APBA2: variants seen among roughly 807,000 people sequenced by gnomAD.
APBA2 encodes amyloid beta precursor protein binding family A member 2, also known as amyloid-beta A4 precursor protein-binding family A member 2.
Under a neutral mutation model 75.0 loss-of-function variants are expected in APBA2, and 30 were observed. The observed-to-expected ratio is 0.40, with a 90% confidence interval of 0.30 to 0.54. APBA2 has a LOEUF of 0.54. Among genes scored for constraint, APBA2 ranks in the 20% least tolerant of loss-of-function variants. The probability of loss-of-function intolerance (pLI) is 0.49; values close to 1 mark genes in which losing one functional copy is unlikely to be tolerated. For missense variants in APBA2, 801 were observed against 1,016.1 expected, an observed-to-expected ratio of 0.79 and a Z score of 2.88; for synonymous variants, 444 against 409.6, an observed-to-expected ratio of 1.08 and a Z score of -1.01.
In APBA2 at chr15:29,108,275, G is replaced by C. The variant is rs2044540016; in HGVS notation, c.1923G>C (p.Leu641=). 2 of 1,613,746 alleles carry C rather than the reference G, an allele frequency of 1.2e-6. No homozygotes were observed. Among genetic ancestry groups the C allele is most frequent in the African/African-American group, 1.3e-5 (1 of 74,934 alleles). The stretch of plus-strand genomic sequence containing the variant: ...CCTGTCCCCGTGCTCTGCAGGGCCT[G>C]AAGAACCAGACACAGGTGAAGCTCA... ...LATCQGIIKG[L]KNQTQVKLNI... is the part of the protein sequence containing the mutation. Residue 641 remains leucine, a synonymous_variant, in exon 13 of 15, where the codon CTG becomes CTC. Transcript: ENST00000683413.
At chr15:28,966,218 T>C (rs2036729089) in intron 2 of APBA2, among the ~76,000 whole-genome samples, 1 of 152,194 alleles carries the variant, frequency 6.6e-6, no homozygotes, top group Non-Finnish European at 1.5e-5. Flanking sequence ...GATCTTTTTG[T>C]TGGATGGTGT....
rs2036222809 is a variant in APBA2 at position 28,957,275 on chromosome 15, CTG to C, written c.-95+35530_-95+35531del. Among the ~76,000 whole-genome samples, 3 of 152,006 alleles carry C rather than the reference CTG, an allele frequency of 2.0e-5. No homozygotes were observed. In the South Asian group the frequency reaches 6.2e-4, roughly 32 times the overall value. On this transcript the variant is annotated intron_variant, in intron 2 of 14. Transcript: ENST00000683413. ...TATTTTTAGTAGAGACGGGGTTTCA[CTG>C]TGTTAGCCACGATGGTCTCAATCTC...
intron 3 of APBA2, among the ~76,000 whole-genome samples, chr15:29,000,902 C>G (rs2038808640): frequency 6.6e-6 from 1 of 152,198 alleles, no homozygotes; most frequent in Admixed American, 6.5e-5. Context: ...ATGAGCCAGG[C>G]TTTGCACATT....
chr15:29,112,515 C>G (rs1187329957), intron 13 of APBA2, among the ~76,000 whole-genome samples: 2 of 152,150 alleles, frequency 1.3e-5, no homozygotes, highest in African/African-American at 2.4e-5. Flanking sequence ...TCCCAGGCCA[C>G]TCGCCTCCTC....
intron 13 of APBA2, among the ~76,000 whole-genome samples, chr15:29,112,299 G>A (rs1567030798): frequency 1.3e-5 from 2 of 152,236 alleles, no homozygotes; most frequent in Non-Finnish European, 2.9e-5. Context: ...ACCTGCAGCG[G>A]TTCTCCCTGA....
intron 2 of APBA2, among the ~76,000 whole-genome samples, chr15:28,950,236 AT>A (rs2035781807): frequency 6.6e-6 from 1 of 152,226 alleles, no homozygotes; most frequent in South Asian, 2.1e-4. Context: ...CATTTTCAAC[AT>A]ACATCAATGT....
intron 13 of APBA2, among the ~76,000 whole-genome samples, chr15:29,112,297 C>T (rs555730140): frequency 3.9e-5 from 6 of 152,348 alleles, no homozygotes; most frequent in African/African-American, 1.4e-4. Flanking sequence ...CGACCTGCAG[C>T]GGTTCTCCCT....
At chr15:28,987,314 G>C (rs751113315) in intron 2 of APBA2, among the ~76,000 whole-genome samples, 37 of 152,118 alleles carry the variant, frequency 2.4e-4, no homozygotes, top group Non-Finnish European at 4.6e-4. Flanking sequence ...ATAGTCTGTG[G>C]GCCAGGAATA....
chr15:29,102,223 G>C (rs1410459476), intron 10 of APBA2: 2 of 271,330 alleles, frequency 7.4e-6, no homozygotes, highest in African/African-American at 4.5e-5. Context: ...AAGTGATTCT[G>C]AAGTATAAGA....
intron 1 of APBA2, among the ~76,000 whole-genome samples, chr15:28,921,262 T>A (rs1256349982): frequency 6.6e-6 from 1 of 152,162 alleles, no homozygotes; most frequent in Non-Finnish European, 1.5e-5. Context: ...GGCACGAGAT[T>A]TCCCTTATCT....
chr15:28,929,510 G>A (rs1372295911), intron 2 of APBA2, among the ~76,000 whole-genome samples: 1 of 152,210 alleles, frequency 6.6e-6, no homozygotes, highest in Non-Finnish European at 1.5e-5. Flanking sequence ...GAGCTGATGG[G>A]CTGTCTTTAG....
In APBA2 at chr15:29,074,951, C is replaced by T. The variant is rs754848396; in HGVS notation, c.982C>T (p.Gln328Ter). The change falls in exon 5 of 15, where the codon CAG (glutamine) becomes TAG (stop). Residue 328 changes from glutamine (Q) to a stop codon, truncating the protein, a stop_gained. Transcript: ENST00000683413. LOFTEE classifies it high-confidence loss of function. ...VCNGLEQPRK[Q>*]QRSDLNGPVD... is the part of the protein sequence containing the mutation. ...CAATGGTCTGGAGCAGCCAAGGAAGCAGCAGCGCTCTGATCTCAATGGACC... is the reference window on the plus strand; with the variant it reads ...CAATGGTCTGGAGCAGCCAAGGAAGTAGCAGCGCTCTGATCTCAATGGACC... 1 of 1,614,084 alleles carries T rather than the reference C, an allele frequency of 6.2e-7. No homozygotes were observed. Among genetic ancestry groups the T allele is most frequent in the African/African-American group, 1.3e-5 (1 of 74,936 alleles).
At chr15:29,036,825 GC>G in intron 3 of APBA2, among the ~76,000 whole-genome samples, 1 of 152,248 alleles carries the variant, frequency 6.6e-6, no homozygotes, top group East Asian at 1.9e-4. Flanking sequence ...TTTGAGACCA[GC>G]CCGGGCAACA....
At position 29,108,638 on chromosome 15, in the gene APBA2, C is replaced by A. The variant is rs1051815889; in HGVS notation, c.2037+249C>A. On this transcript the variant is annotated intron_variant, in intron 13 of 14. Coordinates refer to ENST00000683413, the MANE Select transcript of APBA2 (RefSeq NM_001353788.2). ...TCCAGCCTTTCCCAGGCTCCCTTGT[C>A]CCCATGGTGGTTGTCCCCTGCTTTG... The A allele has an allele frequency of 1.2e-5, 7 of 604,160 alleles. No homozygotes were observed. In the African/African-American group the frequency reaches 1.3e-4, roughly 11 times the overall value. 37.4% of individuals were successfully genotyped at this position (604,160 alleles called of 1,614,324 possible). A position where few individuals can be genotyped will look rare whatever the true frequency, so the allele number is the denominator to read the frequency against.
intron 6 of APBA2, among the ~76,000 whole-genome samples, chr15:29,078,610 C>CA (rs1181567320): frequency 0.016 from 1,341 of 84,712 alleles, 14 homozygotes; most frequent in African/African-American, 0.035. Flanking sequence ...GACTCCATCT[C>CA]AAAAAAAAAA....
chr15:28,921,854 T>C (rs928593042), intron 2 of APBA2, 105 bp downstream of exon 2: 1 of 152,268 alleles, frequency 6.6e-6, no homozygotes, highest in Non-Finnish European at 1.5e-5. Context: ...ATAGCCACGA[T>C]GGCCCTCACC....
intron 1 of APBA2, among the ~76,000 whole-genome samples, chr15:28,904,598 T>G (rs2152636977): frequency 6.6e-6 from 1 of 152,296 alleles, no homozygotes; most frequent in East Asian, 1.9e-4. Flanking sequence ...CTTCCTTCCT[T>G]TTCCCTCTTC....
chr15:29,081,418 G>A lies in APBA2; in HGVS notation c.1069+5327G>A, dbSNP rs1041192956. ...ATGCAGTCAGCAGGAATAGGGATTC[G>A]TCGTTTTAAAATCTGAACTTTTATT... On this transcript the variant is annotated intron_variant, in intron 6 of 14. Transcript: ENST00000683413. 3.9e-5 allele frequency among the ~76,000 whole-genome samples: 6 copies of A among 152,310 alleles called. 1 individual carries two copies. Among genetic ancestry groups the A allele is most frequent in the Middle Eastern group, 3.4e-3 (1 of 294 alleles).
At chr15:28,969,145 T>C (rs1595597464) in intron 2 of APBA2, among the ~76,000 whole-genome samples, 1 of 74,876 alleles carries the variant, frequency 1.3e-5, no homozygotes, top group Non-Finnish European at 2.0e-5. Context: ...TCTTTCTTTC[T>C]TTCTTTCTTT....
Sources: allele counts gnomAD v4.1 joint callset (sites outside exome capture counted in the v4.1 genomes callset), GRCh38; gene constraint gnomAD v4.1.1; transcripts MANE v1.5; gene names NCBI Gene and HGNC (gene_info 2026-07-23, HGNC 2026-07-21).